The following SLC47A1 variants were observed in gnomAD, a reference collection of about 807,000 sequenced individuals.
SLC47A1 encodes solute carrier family 47 member 1, also known as multidrug and toxin extrusion protein 1.
SLC47A1 carries 58 observed loss-of-function variants against 65.8 expected under a neutral mutation model. The observed-to-expected ratio is 0.88, with a 90% confidence interval of 0.71 to 1.10. SLC47A1 has a LOEUF of 1.10. SLC47A1 is among the 50% of genes least tolerant of loss of function. The probability of loss-of-function intolerance (pLI) is 0.00; values close to 1 mark genes in which losing one functional copy is unlikely to be tolerated. For synonymous variants in SLC47A1, 285 were observed against 295.0 expected (o/e 0.97, Z 0.35); for missense variants, 706 against 719.2 (o/e 0.98, Z 0.21).
intron 1 of SLC47A1, among the ~76,000 whole-genome samples, chr17:19,538,411 C>T (rs1184389879): frequency 6.6e-6 from 1 of 152,246 alleles, no homozygotes; most frequent in Non-Finnish European, 1.5e-5. Flanking sequence ...AAGTCTGAGA[C>T]TACACATCAC....
In SLC47A1 at chr17:19,548,030, C is replaced by T. The variant is rs1916341410; in HGVS notation, c.352C>T (p.Arg118Trp). 7 of 1,614,050 alleles carry T rather than the reference C, an allele frequency of 4.3e-6. No individual in the cohort carries two copies. The highest frequency in any genetic ancestry group is 5.9e-6 in the Non-Finnish European group (7 of 1,179,962). ...NLKHVGVILQ[R>W]SALVLLLCCF... ...GAAGCACGTGGGCGTGATCCTGCAG[C>T]GGAGTGCGCTCGTCCTGCTCCTCTG... The change falls in exon 4 of 17, where the codon CGG (arginine) becomes TGG (tryptophan). Residue 118 changes from arginine (R) to tryptophan (W), a missense_variant. Arg to Trp is a moderately radical substitution (Grantham distance 101). Coordinates refer to ENST00000270570, the MANE Select transcript of SLC47A1 (RefSeq NM_018242.3).
chr17:19,572,280 C>G (rs1428948725), intron 15 of SLC47A1, among the ~76,000 whole-genome samples: 1 of 152,128 alleles, frequency 6.6e-6, no homozygotes, highest in Non-Finnish European at 1.5e-5. Flanking sequence ...TCATGGACCC[C>G]ATTTCAGCCT....
At chr17:19,543,444 C>T (rs1325155363) in intron 2 of SLC47A1, among the ~76,000 whole-genome samples, 1 of 147,208 alleles carries the variant, frequency 6.8e-6, no homozygotes, top group Non-Finnish European at 1.5e-5. Flanking sequence ...GGAACTCGTT[C>T]CCACTCTTGG....
chr17:19,560,061 A>T, intron 10 of SLC47A1, 127 bp from the exon 11 acceptor site: 1 of 656,704 alleles, frequency 1.5e-6, no homozygotes, highest in Non-Finnish European at 2.7e-6. Flanking sequence ...GGATGTTGCA[A>T]ATCAGTCTTT....
intron 12 of SLC47A1, 130 bp downstream of exon 12, chr17:19,560,623 T>C: frequency 1.1e-6 from 1 of 919,934 alleles, no homozygotes; most frequent in South Asian, 1.4e-5. Flanking sequence ...AAAGAAAACA[T>C]CTCACTCACA....
rs780753134 is a variant in SLC47A1, at chr17:19,560,261, C to T, written c.995C>T (p.Ala332Val). 1 of 1,613,820 alleles carries T rather than the reference C, an allele frequency of 6.2e-7. No individual in the cohort carries two copies. Among genetic ancestry groups the T allele is most frequent in the South Asian group, 1.1e-5 (1 of 91,024 alleles). Residue 332 changes from alanine (A) to valine (V), a missense_variant, in exon 11 of 17, where the codon GCA becomes GTA. Physicochemically the swap from Ala to Val is moderately conservative, Grantham distance 64 (BLOSUM62 0). Coordinates refer to ENST00000270570, the MANE Select transcript of SLC47A1 (RefSeq NM_018242.3). ...CTGGGTGCTGGAGACATGGAGCAGG[C>T]ACGGAAGTCCTCTACCGTTTCCCTG... ...NALGAGDMEQ[A>V]RKSSTVSLLI... is the part of the protein sequence containing the mutation.
At chr17:19,538,948 T>G (rs908171543) in intron 1 of SLC47A1, among the ~76,000 whole-genome samples, 9 of 152,210 alleles carry the variant, frequency 5.9e-5, no homozygotes, top group Non-Finnish European at 1.3e-4. Flanking sequence ...GAAGTTTCTT[T>G]GTTTGAAGCA....
chr17:19,555,443 C>G (rs1006085552), intron 7 of SLC47A1, 134 bp downstream of exon 7: 56 of 1,283,372 alleles, frequency 4.4e-5, no homozygotes, highest in Middle Eastern at 3.9e-4. Context: ...GTGGAAAGCA[C>G]TGTCAGGGAT....
chr17:19,548,160 C>T (rs1339172085), intron 4 of SLC47A1, 27 bp downstream of exon 4: 1 of 1,597,318 alleles, frequency 6.3e-7, no homozygotes, highest in East Asian at 2.2e-5. Flanking sequence ...CGCAGCGGGA[C>T]TTGGCGTCCA....
chr17:19,542,937 G>A (rs536394766), intron 2 of SLC47A1, among the ~76,000 whole-genome samples: 1 of 151,054 alleles, frequency 6.6e-6, no homozygotes, highest in South Asian at 2.1e-4. Context: ...GGTTACAGGC[G>A]TGCGCCACCA....
rs760974065 is a variant in SLC47A1 at position 19,555,793 on chromosome 17, C to T, written c.740-3C>T. Reference sequence around the variant, plus strand: ...CCTGGAAATGTGTGTGTCCCCCCCACAGGCTGGTCCCTCGAGTGCCTGCAG... The same window carrying T: ...CCTGGAAATGTGTGTGTCCCCCCCATAGGCTGGTCCCTCGAGTGCCTGCAG... On this transcript the variant is annotated splice_polypyrimidine_tract_variant and splice_region_variant and intron_variant, in intron 8 of 16. Coordinates refer to ENST00000270570, the MANE Select transcript of SLC47A1 (RefSeq NM_018242.3). The T allele has an allele frequency of 3.7e-6, 6 of 1,613,502 alleles. No individual in the cohort carries two copies. In the Admixed American group the frequency reaches 1.0e-4, roughly 27 times the overall value.
At chr17:19,545,119 T>G (rs1254301171) in intron 2 of SLC47A1, among the ~76,000 whole-genome samples, 1 of 152,220 alleles carries the variant, frequency 6.6e-6, no homozygotes, top group Non-Finnish European at 1.5e-5. Flanking sequence ...GTTCTCATGC[T>G]GATTCAGTTC....
intron 14 of SLC47A1, chr17:19,570,843 A>AC (rs1014396159): frequency 2.6e-5 from 4 of 152,226 alleles, no homozygotes; most frequent in African/African-American, 9.7e-5. Flanking sequence ...AACCCTCCTC[A>AC]CCTGGGGTCT....
chr17:19,539,576 C>G (rs1218535898), intron 1 of SLC47A1, among the ~76,000 whole-genome samples: 6 of 152,060 alleles, frequency 3.9e-5, no homozygotes, highest in African/African-American at 1.4e-4. Context: ...CCTCTGCCCC[C>G]TGGGTTCAAA....
At chr17:19,551,604 T>A in intron 6 of SLC47A1, 136 bp downstream of exon 6, 1 of 750,032 alleles carries the variant, frequency 1.3e-6, no homozygotes, top group Non-Finnish European at 2.3e-6. Context: ...CTGAAAGATA[T>A]TTTTTCAGTG....
chr17:19,562,819 T>C (rs1030311756), intron 12 of SLC47A1, among the ~76,000 whole-genome samples: 3 of 151,904 alleles, frequency 2.0e-5, no homozygotes, highest in African/African-American at 7.3e-5. Flanking sequence ...CATCAGAAAC[T>C]CAACAATCAA....
At chr17:19,541,044 G>A (rs1916134130) in intron 1 of SLC47A1, among the ~76,000 whole-genome samples, 1 of 152,162 alleles carries the variant, frequency 6.6e-6, no homozygotes, top group African/African-American at 2.4e-5. Flanking sequence ...GTTTTGGGGT[G>A]GCTGCAGAGC....
At chr17:19,543,527 C>T (rs1452504648) in intron 2 of SLC47A1, among the ~76,000 whole-genome samples, 1 of 152,210 alleles carries the variant, frequency 6.6e-6, no homozygotes, top group Admixed American at 6.5e-5. Flanking sequence ...GACTCCCCCC[C>T]ATGCCCACTC....
At chr17:19,574,330 G>T (rs1280858676) in intron 16 of SLC47A1, among the ~76,000 whole-genome samples, 1 of 152,084 alleles carries the variant, frequency 6.6e-6, no homozygotes, top group African/African-American at 2.4e-5. Context: ...CCAAAGCCCT[G>T]GTCAGCGTCT....
Sources: gnomAD v4.1 joint callset for allele counts (sites outside exome capture counted in the v4.1 genomes callset) on GRCh38, gnomAD v4.1.1 for gene constraint, MANE v1.5 for transcripts, NCBI Gene and HGNC (gene_info 2026-07-23, HGNC 2026-07-21) for gene names.